Variants in FOXJ3 observed in about 807,000 individuals in gnomAD.
FOXJ3 encodes the protein forkhead box protein J3.
In FOXJ3, 22 loss-of-function variants were observed where a neutral mutation model predicts 76.1. The observed-to-expected ratio is 0.29, with a 90% CI of 0.21 to 0.41. The LOEUF (loss-of-function observed/expected upper bound fraction) is 0.41, where lower values mean the gene tolerates loss of function less well. Ranked by LOEUF, FOXJ3 falls within the 10% of genes least tolerant of loss-of-function variation. FOXJ3 has a pLI of 1.00. For synonymous variants in FOXJ3, 269 were observed against 261.2 expected (o/e 1.03, Z -0.29); for missense variants, 613 against 762.1 (o/e 0.80, Z 2.30).
At chr1:42,296,048 T>TATA (rs1653766919) in intron 2 of FOXJ3, among the ~76,000 whole-genome samples, 1 of 152,234 alleles carries the variant, frequency 6.6e-6, no homozygotes, top group Admixed American at 6.5e-5. Flanking sequence ...TTCTGACTGG[T>TATA]ATAAGATGGT....
chr1:42,261,843 A>G (rs1423649726), intron 4 of FOXJ3, among the ~76,000 whole-genome samples: 1 of 152,200 alleles, frequency 6.6e-6, no homozygotes, highest in Non-Finnish European at 1.5e-5. Flanking sequence ...AAAGCTCCTC[A>G]AATGTCAGGA....
At chr1:42,212,040 G>C (rs1219827399) in intron 5 of FOXJ3, among the ~76,000 whole-genome samples, 1 of 152,188 alleles carries the variant, frequency 6.6e-6, no homozygotes, top group Admixed American at 6.5e-5. Flanking sequence ...GATCATTTGA[G>C]GTCAGGAGTT....
Position 42,330,655 on chromosome 1 carries a change from A to C in FOXJ3, c.-18+4404T>G, listed in dbSNP as rs944891907. Among the ~76,000 whole-genome samples, 6 of 151,158 alleles carry C rather than the reference A, an allele frequency of 4.0e-5. No individual in the cohort carries two copies. The South Asian group carries it at 6.3e-4, about 16-fold the overall frequency. On this transcript the variant is annotated intron_variant, in intron 1 of 12. Transcript: ENST00000361346. ...TGTCTCAAAAACAAAACAAACAAACAAAAAAAAACAGTGATTCTTTGAGTC... is the reference window on the plus strand; with the variant it reads ...TGTCTCAAAAACAAAACAAACAAACCAAAAAAAACAGTGATTCTTTGAGTC...
intron 4 of FOXJ3, 136 bp from the exon 5 acceptor site, chr1:42,228,102 G>A: frequency 2.4e-6 from 1 of 419,350 alleles, no homozygotes; most frequent in Non-Finnish European, 4.3e-6. Flanking sequence ...CACTTGTTTT[G>A]AACTGAGAAA....
chr1:42,309,813 CAG>C (rs1468621205), intron 2 of FOXJ3, among the ~76,000 whole-genome samples: 7 of 152,192 alleles, frequency 4.6e-5, no homozygotes, highest in Non-Finnish European at 8.8e-5. Context: ...GACAATCCCT[CAG>C]GGGCCAGTGT....
chr1:42,246,758 T>C (rs343394), intron 4 of FOXJ3, among the ~76,000 whole-genome samples: 111,415 of 152,040 alleles, frequency 0.73, 41,014 homozygotes, highest in Admixed American at 0.81. Flanking sequence ...TACTGCAACA[T>C]TATTCACAAA....
intron 1 of FOXJ3, among the ~76,000 whole-genome samples, chr1:42,318,499 G>A (rs1310566092): frequency 5.3e-5 from 8 of 152,102 alleles, no homozygotes; most frequent in Admixed American, 5.2e-4. Flanking sequence ...GCACCACCAT[G>A]TCTGGCTAAT....
intron 1 of FOXJ3, among the ~76,000 whole-genome samples, chr1:42,318,274 C>A (rs926870373): frequency 6.6e-6 from 1 of 152,166 alleles, no homozygotes; most frequent in East Asian, 1.9e-4. Context: ...GACATTTCTA[C>A]AAAGAAGATA....
intron 3 of FOXJ3, 109 bp from the exon 4 acceptor site, chr1:42,265,298 A>G: frequency 1.7e-6 from 1 of 585,712 alleles, no homozygotes; most frequent in Non-Finnish European, 3.0e-6. Context: ...CAAAACAATT[A>G]CAAATGGAAT....
At chr1:42,246,175 A>T (rs901144611) in intron 4 of FOXJ3, among the ~76,000 whole-genome samples, 2 of 152,222 alleles carry the variant, frequency 1.3e-5, no homozygotes, top group Non-Finnish European at 2.9e-5. Context: ...ATATTAAACT[A>T]AAAGACTTCT....
At chr1:42,326,523 T>C (rs1460198903) in intron 1 of FOXJ3, among the ~76,000 whole-genome samples, 1 of 152,182 alleles carries the variant, frequency 6.6e-6, no homozygotes, top group Non-Finnish European at 1.5e-5. Flanking sequence ...GGCAGTAACC[T>C]AGGCATCCTT....
intron 2 of FOXJ3, among the ~76,000 whole-genome samples, chr1:42,303,105 A>G (rs998342607): frequency 2.0e-5 from 3 of 152,160 alleles, no homozygotes; most frequent in Admixed American, 1.3e-4. Context: ...TGTTTGGCAG[A>G]CTTCATTTAA....
rs1005866481 is a variant in FOXJ3, at chr1:42,176,589, A to G, written c.*3121T>C. On this transcript the variant is annotated 3_prime_UTR_variant, in exon 13 of 13. Transcript: ENST00000361346. ...TATTTATTTTAAGTGCCATTCATGCATATCAGTTCTGGCAGCAACAATCCT... is the reference window on the plus strand; with the variant it reads ...TATTTATTTTAAGTGCCATTCATGCGTATCAGTTCTGGCAGCAACAATCCT... 3 of 152,792 alleles carry G rather than the reference A, an allele frequency of 2.0e-5. No homozygotes were observed. In the East Asian group the frequency reaches 5.8e-4, roughly 29 times the overall value. The allele number at this position is 152,792 out of a possible 1,614,324, so 9.5% of individuals were successfully genotyped here.
At chr1:42,237,739 G>C (rs1648805292) in intron 4 of FOXJ3, among the ~76,000 whole-genome samples, 1 of 151,446 alleles carries the variant, frequency 6.6e-6, no homozygotes, top group South Asian at 2.1e-4. Context: ...TTTTCTTCCG[G>C]AAGTTTTATA....
chr1:42,273,150 A>T (rs1651986987), intron 3 of FOXJ3, among the ~76,000 whole-genome samples: 3 of 152,220 alleles, frequency 2.0e-5, no homozygotes, highest in Admixed American at 2.0e-4. Context: ...GTTTACACAC[A>T]GTAGGTGTGG....
At chr1:42,322,112 A>G (rs1293815265) in intron 1 of FOXJ3, among the ~76,000 whole-genome samples, 3 of 152,170 alleles carry the variant, frequency 2.0e-5, no homozygotes, top group African/African-American at 7.2e-5. Context: ...TTTGGTACAG[A>G]TAGAGACGTG....
At chr1:42,270,030 T>C (rs1258144787) in intron 3 of FOXJ3, among the ~76,000 whole-genome samples, 1 of 152,194 alleles carries the variant, frequency 6.6e-6, no homozygotes, top group Non-Finnish European at 1.5e-5. Context: ...TCCAATATTC[T>C]TAAGCCCCCA....
chr1:42,334,888 G>GCCGGGGC (rs1656385298), intron 1 of FOXJ3, 171 bp downstream of exon 1: 1 of 152,224 alleles, frequency 6.6e-6, no homozygotes, highest in East Asian at 1.9e-4. Flanking sequence ...CCAGGCCCCA[G>GCCGGGGC]CCGGGGCCCA....
intron 1 of FOXJ3, among the ~76,000 whole-genome samples, chr1:42,325,537 G>A (rs547579624): frequency 5.9e-5 from 9 of 152,278 alleles, no homozygotes; most frequent in African/African-American, 1.9e-4. Context: ...CAGCAAAAGA[G>A]GGAACAGATG....
Sources: gnomAD v4.1 joint callset for allele counts (sites outside exome capture counted in the v4.1 genomes callset) on GRCh38, gnomAD v4.1.1 for gene constraint, MANE v1.5 for transcripts, NCBI Gene and HGNC (gene_info 2026-07-23, HGNC 2026-07-21) for gene names.